The following KIFC3 variants were observed in gnomAD, a reference collection of about 807,000 sequenced individuals.
KIFC3 encodes the protein kinesin family member C3.
Under a neutral mutation model 101.8 loss-of-function variants are expected in KIFC3, and 60 were observed. The ratio of observed to expected loss-of-function variants is 0.59; its 90% CI spans 0.48 to 0.73. The LOEUF (loss-of-function observed/expected upper bound fraction) is 0.73, where lower values mean the gene tolerates loss of function less well. Ranked by LOEUF, KIFC3 falls within the 30% of genes least tolerant of loss-of-function variation. The pLI is 0.00. For synonymous variants in KIFC3, 476 were observed against 482.7 expected (o/e 0.99, Z 0.18); for missense variants, 966 against 1,137.1 (o/e 0.85, Z 2.16).
intron 1 of KIFC3, among the ~76,000 whole-genome samples, chr16:57,860,173 A>T (rs2056274882): frequency 6.6e-6 from 1 of 152,084 alleles, no homozygotes; most frequent in East Asian, 1.9e-4. Context: ...TAGAAAATCA[A>T]ACTGGGGCTC....
At chr16:57,822,104 C>T (rs2055362539) in intron 1 of KIFC3, among the ~76,000 whole-genome samples, 2 of 151,948 alleles carry the variant, frequency 1.3e-5, no homozygotes, top group Non-Finnish European at 2.9e-5. Context: ...AAAACTAAAA[C>T]AAAAAACTGC....
chr16:57,848,761 G>A (rs1798752248), intron 1 of KIFC3, among the ~76,000 whole-genome samples: 1 of 152,202 alleles, frequency 6.6e-6, no homozygotes, highest in African/African-American at 2.4e-5. Flanking sequence ...GATTTAGCAT[G>A]TCTTAGGACT....
At chr16:57,855,111 ATT>A (rs1567344969) in intron 1 of KIFC3, among the ~76,000 whole-genome samples, 1 of 139,856 alleles carries the variant, frequency 7.2e-6, no homozygotes, top group Non-Finnish European at 1.5e-5. Flanking sequence ...CCCCCTCCCC[ATT>A]TCTTTCTTTT....
chr16:57,828,589 G>A (rs2055508023), intron 1 of KIFC3, among the ~76,000 whole-genome samples: 1 of 152,212 alleles, frequency 6.6e-6, no homozygotes, highest in South Asian at 2.1e-4. Flanking sequence ...CTGGGTTCTT[G>A]TCCCAGCTCT....
chr16:57,779,046 G>A (rs1335776109), intron 3 of KIFC3, among the ~76,000 whole-genome samples: 4 of 152,124 alleles, frequency 2.6e-5, no homozygotes. Context: ...ATTAAAAATT[G>A]AACTATCATA....
intron 3 of KIFC3, among the ~76,000 whole-genome samples, chr16:57,777,979 C>A (rs978006618): frequency 1.1e-4 from 17 of 152,070 alleles, no homozygotes; most frequent in Admixed American, 5.2e-4. Flanking sequence ...ATACCATATA[C>A]AAAAATTAAC....
chr16:57,823,656 G>A (rs1016531963), intron 1 of KIFC3, among the ~76,000 whole-genome samples: 2 of 152,052 alleles, frequency 1.3e-5, no homozygotes, highest in Non-Finnish European at 1.5e-5. Context: ...GCAGTGGTGC[G>A]GTCTTGGCTC....
chr16:57,852,549 G>T (rs190827427), intron 1 of KIFC3, among the ~76,000 whole-genome samples: 84 of 152,172 alleles, frequency 5.5e-4, no homozygotes, highest in African/African-American at 2.0e-3. Flanking sequence ...AACACCTTTC[G>T]TCTACTGTTT....
intron 2 of KIFC3, among the ~76,000 whole-genome samples, chr16:57,795,812 T>A (rs1408432160): frequency 1.3e-5 from 2 of 151,524 alleles, no homozygotes; most frequent in Non-Finnish European, 2.9e-5. Context: ...GGCGTAACAA[T>A]ATCCCGAGTG....
In KIFC3 at chr16:57,771,190, G is replaced by T; in HGVS notation, c.765+8C>A. 6.2e-7 allele frequency: 1 copy of T among 1,611,804 alleles called. No individual in the cohort carries two copies. Among genetic ancestry groups the T allele is most frequent in the Non-Finnish European group, 8.5e-7 (1 of 1,179,752 alleles). On this transcript the variant is annotated splice_region_variant and intron_variant, in intron 6 of 19. Transcript: ENST00000445690. ...GCTGAGGCACAGATCAGGTGGGCCA[G>T]GGCTCACCTTGACAGGTGGGGACTG...
chr16:57,818,735 G>A (rs80090013), intron 1 of KIFC3, among the ~76,000 whole-genome samples: 21 of 152,286 alleles, frequency 1.4e-4, no homozygotes, highest in Admixed American at 2.6e-4. Flanking sequence ...TCGTGGGAAC[G>A]TTCCAAGGCT....
intron 3 of KIFC3, chr16:57,788,736 C>T (rs1555618936): frequency 1.6e-6 from 2 of 1,289,112 alleles, no homozygotes; most frequent in East Asian, 5.6e-5. Flanking sequence ...AACCAGAATC[C>T]TCACGTGAAG....
chr16:57,785,807 G>A (rs373653636), intron 3 of KIFC3: 32 of 335,734 alleles, frequency 9.5e-5, no homozygotes, highest in African/African-American at 4.6e-4. Flanking sequence ...GGGCTGGGGC[G>A]GCAGCGGCAT....
At chr16:57,832,438 C>G (rs1182139147) in intron 1 of KIFC3, among the ~76,000 whole-genome samples, 1 of 150,380 alleles carries the variant, frequency 6.6e-6, no homozygotes, top group East Asian at 2.0e-4. Flanking sequence ...ATTCTCCTGC[C>G]TGAGCCTCCC....
chr16:57,862,326 GA>G lies in KIFC3; in HGVS notation c.108+402del, dbSNP rs1209383116. ...GGTGTGAGCCACCTTGCCTGGCTGA[GA>G]TTTCATCAAGCTACTTAGAACATCG... On this transcript the variant is annotated intron_variant, in intron 1 of 2. Coordinates refer to the KIFC3 transcript ENST00000563028. Among the ~76,000 whole-genome samples the G allele has an allele frequency of 3.0e-4, 46 of 151,650 alleles. 1 individual carries two copies. The highest frequency in any genetic ancestry group is 3.0e-3 in the Admixed American group (45 of 15,190).
intron 1 of KIFC3, among the ~76,000 whole-genome samples, chr16:57,856,573 A>G (rs779696997): frequency 3.9e-5 from 6 of 152,074 alleles, no homozygotes; most frequent in Non-Finnish European, 7.4e-5. Context: ...AAGAAAAGAA[A>G]AGTGTAAAAA....
chr16:57,792,829 T>C (rs2053982865), intron 3 of KIFC3, among the ~76,000 whole-genome samples: 1 of 120,458 alleles, frequency 8.3e-6, no homozygotes, highest in South Asian at 2.7e-4. Context: ...ATTCTACCAC[T>C]GCATTCCAGC....
chr16:57,848,421 G>C (rs1333945514), intron 1 of KIFC3, among the ~76,000 whole-genome samples: 2 of 152,146 alleles, frequency 1.3e-5, no homozygotes. Flanking sequence ...GAGGTCAGGA[G>C]TTCCAGACCA....
At chr16:57,777,293 A>G (rs1555612265) in intron 3 of KIFC3, among the ~76,000 whole-genome samples, 1 of 152,248 alleles carries the variant, frequency 6.6e-6, no homozygotes, top group Non-Finnish European at 1.5e-5. Flanking sequence ...TACAGATTCA[A>G]TGCAATGCCT....
Sources: allele counts gnomAD v4.1 joint callset (sites outside exome capture counted in the v4.1 genomes callset), GRCh38; gene constraint gnomAD v4.1.1; transcripts MANE v1.5; gene names NCBI Gene and HGNC (gene_info 2026-07-23, HGNC 2026-07-21).